Variants in SENP7 observed in about 807,000 individuals in gnomAD.
The protein encoded by SENP7 is SUMO specific peptidase 7, also known as sentrin-specific protease 7.
In SENP7, 64 loss-of-function variants were observed where a neutral mutation model predicts 141.2. The observed-to-expected ratio is 0.45, with a 90% CI of 0.37 to 0.56. The LOEUF (loss-of-function observed/expected upper bound fraction) is 0.56. Among genes scored for constraint, SENP7 ranks in the 20% least tolerant of loss-of-function variants. The pLI is 0.00. For synonymous variants in SENP7, 382 were observed against 426.4 expected (o/e 0.90, Z 1.28); for missense variants, 1,025 against 1,212.2 (o/e 0.85, Z 2.29).
chr3:101,443,465 A>C (rs1321650287), intron 4 of SENP7, among the ~76,000 whole-genome samples: 1 of 142,168 alleles, frequency 7.0e-6, no homozygotes, highest in Non-Finnish European at 1.6e-5. Flanking sequence ...ACTTTAAAGT[A>C]GTTTTTTCCA....
At chr3:101,344,844 C>T (rs2059413458) in intron 13 of SENP7, among the ~76,000 whole-genome samples, 1 of 151,782 alleles carries the variant, frequency 6.6e-6, no homozygotes, top group Non-Finnish European at 1.5e-5. Flanking sequence ...GCAAGAAACT[C>T]ATAAGAAAGG....
intron 17 of SENP7, among the ~76,000 whole-genome samples, chr3:101,335,371 A>C (rs1339357217): frequency 6.6e-6 from 1 of 152,156 alleles, no homozygotes; most frequent in Non-Finnish European, 1.5e-5. Context: ...TAAAATTCAT[A>C]TCTCTTGCTG....
At chr3:101,356,058 T>C (rs989680933) in intron 11 of SENP7, among the ~76,000 whole-genome samples, 6 of 152,194 alleles carry the variant, frequency 3.9e-5, no homozygotes, top group Non-Finnish European at 7.3e-5. Flanking sequence ...TTTAATGTAC[T>C]GCATTTTATT....
At chr3:101,453,130 G>C (rs1220543148) in intron 4 of SENP7, among the ~76,000 whole-genome samples, 1 of 152,134 alleles carries the variant, frequency 6.6e-6, no homozygotes, top group African/African-American at 2.4e-5. Context: ...CATCATCAAT[G>C]GCCATCAGAG....
At chr3:101,419,223 T>G (rs1559797088) in intron 4 of SENP7, among the ~76,000 whole-genome samples, 1 of 152,104 alleles carries the variant, frequency 6.6e-6, no homozygotes, top group Admixed American at 6.5e-5. Context: ...TCAAAGAAAT[T>G]AAAGGACTTA....
chr3:101,391,347 TA>T (rs36023654), intron 6 of SENP7, among the ~76,000 whole-genome samples: 147,083 of 147,412 alleles, frequency 1, 73,379 homozygotes, highest in Middle Eastern at 1. Context: ...CAACCAAGAT[TA>T]AAAAAAAAAA....
intron 12 of SENP7, among the ~76,000 whole-genome samples, chr3:101,349,117 C>T (rs578064156): frequency 6.6e-6 from 1 of 152,288 alleles, no homozygotes; most frequent in African/African-American, 2.4e-5. Flanking sequence ...CCGTGATTCA[C>T]ATGAACATTA....
chr3:101,377,185 TC>T (rs989194285), intron 6 of SENP7, among the ~76,000 whole-genome samples: 1 of 152,108 alleles, frequency 6.6e-6, no homozygotes, highest in Admixed American at 6.5e-5. Flanking sequence ...ACACAGGAGT[TC>T]CCAGTCCAAC....
At chr3:101,457,685 C>T (rs926596569) in intron 4 of SENP7, 1 of 1,328,786 alleles carries the variant, frequency 7.5e-7, no homozygotes, top group Non-Finnish European at 1.1e-6. Flanking sequence ...ACACTTGTGC[C>T]TGCAGTTTGG....
intron 3 of SENP7, among the ~76,000 whole-genome samples, chr3:101,472,738 A>G: frequency 6.6e-6 from 1 of 152,348 alleles, no homozygotes; most frequent in African/African-American, 2.4e-5. Context: ...TCAGAAAATC[A>G]TTAACAAAAT....
At chr3:101,504,013 C>T (rs2065491762) in intron 1 of SENP7, among the ~76,000 whole-genome samples, 1 of 151,432 alleles carries the variant, frequency 6.6e-6, no homozygotes, top group African/African-American at 2.4e-5. Flanking sequence ...TACTTAAAAT[C>T]AGAAATAATA....
At chr3:101,331,130 T>C (rs570726280) in intron 19 of SENP7, among the ~76,000 whole-genome samples, 1 of 152,134 alleles carries the variant, frequency 6.6e-6, no homozygotes, top group East Asian at 1.9e-4. Context: ...TTTAAAATGG[T>C]ATAATACTAT....
At chr3:101,459,154 T>C (rs1247656193) in intron 3 of SENP7, 102 bp from the exon 4 acceptor site, 1 of 587,558 alleles carries the variant, frequency 1.7e-6, no homozygotes. Context: ...AACGATCAAA[T>C]ACATAGTTCA....
intron 5 of SENP7, among the ~76,000 whole-genome samples, chr3:101,401,848 G>A (rs755767370): frequency 1.8e-4 from 28 of 152,010 alleles, no homozygotes; most frequent in Non-Finnish European, 1.5e-4. Flanking sequence ...GCTTAGTATG[G>A]TGGCATGCAC....
chr3:101,340,675 T>C (rs1409737305), intron 15 of SENP7, among the ~76,000 whole-genome samples: 1 of 152,190 alleles, frequency 6.6e-6, no homozygotes, highest in African/African-American at 2.4e-5. Context: ...TGGTGGCTAA[T>C]CTATACCAGC....
chr3:101,441,135 A>C lies in SENP7; in HGVS notation c.284+17820T>G, dbSNP rs180931794. On this transcript the variant is annotated intron_variant, in intron 4 of 23. Transcript: ENST00000394095. ...TGTCATCCCAGAACCAAATAGTAAC[A>C]CTTCATTTGCTGCCACCAGTGTTTA... 2.0e-5 allele frequency among the ~76,000 whole-genome samples: 3 copies of C among 152,156 alleles called. No individual in the cohort carries two copies. The East Asian group carries it at 5.8e-4, about 29-fold the overall frequency.
intron 6 of SENP7, among the ~76,000 whole-genome samples, chr3:101,390,150 G>A (rs948873363): frequency 6.7e-6 from 1 of 150,222 alleles, no homozygotes; most frequent in Non-Finnish European, 1.5e-5. Flanking sequence ...AACCTGGGAG[G>A]CGGAAGTTGC....
chr3:101,463,400 T>TATAC (rs2063648390), intron 3 of SENP7, among the ~76,000 whole-genome samples: 4 of 77,994 alleles, frequency 5.1e-5, no homozygotes, highest in South Asian at 8.8e-4. Context: ...TATATATACA[T>TATAC]ATATATATAT....
At chr3:101,340,547 T>C in intron 15 of SENP7, 1 of 189,270 alleles carries the variant, frequency 5.3e-6, no homozygotes, top group Non-Finnish European at 1.1e-5. Flanking sequence ...TTTTTAACTT[T>C]GAATAAACTG....
Sources: gnomAD v4.1 joint callset for allele counts (sites outside exome capture counted in the v4.1 genomes callset) on GRCh38, gnomAD v4.1.1 for gene constraint, MANE v1.5 for transcripts, NCBI Gene and HGNC (gene_info 2026-07-23, HGNC 2026-07-21) for gene names.